CERS6: variants seen among roughly 807,000 people sequenced by gnomAD.
CERS6 encodes the protein LAG1 homolog, ceramide synthase 6.
CERS6 carries 26 observed loss-of-function variants against 56.8 expected under a neutral mutation model. The ratio of observed to expected loss-of-function variants is 0.46; its 90% CI spans 0.34 to 0.63. CERS6 has a LOEUF of 0.63. Ranked by LOEUF, CERS6 falls within the 30% of genes least tolerant of loss-of-function variation. The pLI is 0.01. For synonymous variants in CERS6, 164 were observed against 173.3 expected (o/e 0.95, Z 0.42); for missense variants, 415 against 467.5 (o/e 0.89, Z 1.04).
intron 6 of CERS6, among the ~76,000 whole-genome samples, chr2:168,713,280 G>A (rs977696572): frequency 1.3e-5 from 2 of 152,028 alleles, no homozygotes; most frequent in Non-Finnish European, 2.9e-5. Context: ...GTCAGTTTTC[G>A]GATATGCTTT....
intron 3 of CERS6, among the ~76,000 whole-genome samples, chr2:168,594,671 C>T (rs1683754549): frequency 6.6e-6 from 1 of 152,152 alleles, no homozygotes; most frequent in African/African-American, 2.4e-5. Flanking sequence ...CCTTTCCACC[C>T]CAGTGTAAGT....
At position 168,620,014 on chromosome 2, in the gene CERS6, T is replaced by TACACAC. The variant is rs1160024194; in HGVS notation, c.408-10927_408-10922dup. ...GCATTTGGGCTGGTTCCACAATCCA[T>TACACAC]ACACACACACACACACACACACACA... On this transcript the variant is annotated intron_variant, in intron 3 of 9. Coordinates refer to ENST00000305747, the MANE Select transcript of CERS6 (RefSeq NM_203463.3). 3.0e-3 allele frequency among the ~76,000 whole-genome samples: 184 copies of TACACAC among 61,236 alleles called. 1 individual carries two copies. Among genetic ancestry groups the TACACAC allele is most frequent in the East Asian group, 0.01 (13 of 1,264 alleles). The allele number at this position is 61,236 out of a possible 152,430, so 40.2% of individuals were successfully genotyped here.
intron 1 of CERS6, among the ~76,000 whole-genome samples, chr2:168,480,690 A>G (rs1694162090): frequency 1.3e-5 from 2 of 152,214 alleles, no homozygotes; most frequent in South Asian, 4.1e-4. Flanking sequence ...AAAAGAACAT[A>G]TGAGCTTGGA....
At position 168,560,637 on chromosome 2, in the gene CERS6, A is replaced by G. The variant is rs750666839; in HGVS notation, c.277-555A>G. ...AGGAATGTGTGAAAAATGGGGACAAAGGATATGAGAAGGGGAAGAAAGATA... is the reference window on the plus strand; with the variant it reads ...AGGAATGTGTGAAAAATGGGGACAAGGGATATGAGAAGGGGAAGAAAGATA... On this transcript the variant is annotated intron_variant, in intron 2 of 9. Transcript: ENST00000305747. Among the ~76,000 whole-genome samples the G allele has an allele frequency of 3.6e-4, 55 of 152,352 alleles. 1 individual carries two copies. Among genetic ancestry groups the G allele is most frequent in the South Asian group, 6.2e-4 (3 of 4,830 alleles).
chr2:168,537,013 T>C (rs1695276403), intron 1 of CERS6, among the ~76,000 whole-genome samples: 1 of 152,216 alleles, frequency 6.6e-6, no homozygotes, highest in Admixed American at 6.5e-5. Flanking sequence ...GCTTTGTCCA[T>C]AGTTCTCTTT....
chr2:168,710,052 G>A (rs531569021), intron 6 of CERS6, among the ~76,000 whole-genome samples: 19 of 152,066 alleles, frequency 1.2e-4, no homozygotes, highest in African/African-American at 1.7e-4. Flanking sequence ...CTTCTGCCAC[G>A]GGCATAACTG....
rs140803454 is a variant in CERS6, at chr2:168,752,698, G to C, written c.846-12894G>C. Among the ~76,000 whole-genome samples the C allele has an allele frequency of 4.8e-3, 726 of 152,334 alleles. 4 individuals are homozygous for C. The highest frequency in any genetic ancestry group is 7.9e-3 in the Non-Finnish European group (536 of 68,034). ...CATTACTATCCGACTTAAATGTCCT[G>C]CTGCTGAAAGCTGAGGTTCTGCACA... On this transcript the variant is annotated intron_variant, in intron 8 of 9. Coordinates refer to ENST00000305747, the MANE Select transcript of CERS6 (RefSeq NM_203463.3).
intron 8 of CERS6, among the ~76,000 whole-genome samples, chr2:168,721,018 C>G (rs1021218543): frequency 4.3e-4 from 65 of 152,254 alleles, no homozygotes; most frequent in African/African-American, 1.4e-3. Context: ...CTAAAAAGTT[C>G]CTATGAGAAC....
chr2:168,667,789 G>C (rs1685801935), intron 4 of CERS6, among the ~76,000 whole-genome samples: 2 of 152,192 alleles, frequency 1.3e-5, no homozygotes, highest in Non-Finnish European at 2.9e-5. Context: ...AAGATAATAG[G>C]CTAGACCTTC....
chr2:168,723,957 A>T (rs1683264132), intron 8 of CERS6, among the ~76,000 whole-genome samples: 1 of 152,188 alleles, frequency 6.6e-6, no homozygotes, highest in Non-Finnish European at 1.5e-5. Flanking sequence ...CAAATAATCA[A>T]ATATTTAGTG....
chr2:168,475,654 A>G (rs1334280748), intron 1 of CERS6, among the ~76,000 whole-genome samples: 1 of 152,210 alleles, frequency 6.6e-6, no homozygotes, highest in Non-Finnish European at 1.5e-5. Flanking sequence ...ATTGTATCCA[A>G]GGGTTTGAAT....
chr2:168,495,738 A>G (rs1459645001), intron 1 of CERS6, among the ~76,000 whole-genome samples: 1 of 152,170 alleles, frequency 6.6e-6, no homozygotes, highest in Non-Finnish European at 1.5e-5. Flanking sequence ...GCTCCTTTCT[A>G]GTTTCCAGTG....
In CERS6 at chr2:168,722,992, C is replaced by T. The variant is rs183007917; in HGVS notation, c.845+5014C>T. Reference sequence around the variant, plus strand: ...ACCCCAGAAAGTGCAATTTTTATATCCACTCTGTGCTGCTGTTGGCCCTGC... The same window carrying T: ...ACCCCAGAAAGTGCAATTTTTATATTCACTCTGTGCTGCTGTTGGCCCTGC... On this transcript the variant is annotated intron_variant, in intron 8 of 9. Coordinates refer to ENST00000305747, the MANE Select transcript of CERS6 (RefSeq NM_203463.3). Among the ~76,000 whole-genome samples, 49 of 152,272 alleles carry T rather than the reference C, an allele frequency of 3.2e-4. No homozygotes were observed. The East Asian group carries it at 9.3e-3, about 29-fold the overall frequency.
intron 8 of CERS6, among the ~76,000 whole-genome samples, chr2:168,742,153 C>T (rs372072236): frequency 6.6e-6 from 1 of 152,206 alleles, no homozygotes; most frequent in Non-Finnish European, 1.5e-5. Context: ...CTTTAAATGG[C>T]TTCTAAAGTC....
At chr2:168,695,169 C>A (rs1326099184) in intron 6 of CERS6, 118 bp downstream of exon 6, 4 of 696,976 alleles carry the variant, frequency 5.7e-6, no homozygotes, top group South Asian at 5.2e-5. Flanking sequence ...TAGGTTAGTA[C>A]GACTTGCTGC....
At chr2:168,685,584 A>T (rs1178579002) in intron 4 of CERS6, among the ~76,000 whole-genome samples, 1 of 152,172 alleles carries the variant, frequency 6.6e-6, no homozygotes, top group Non-Finnish European at 1.5e-5. Flanking sequence ...AAGATACTGG[A>T]TGAAAGAGCA....
intron 1 of CERS6, among the ~76,000 whole-genome samples, chr2:168,458,047 G>A (rs1253564076): frequency 6.6e-6 from 1 of 152,106 alleles, no homozygotes; most frequent in Non-Finnish European, 1.5e-5. Flanking sequence ...GAAAAAATGG[G>A]TGTGTTTGCA....
At chr2:168,623,013 A>G (rs1684509728) in intron 3 of CERS6, among the ~76,000 whole-genome samples, 1 of 152,218 alleles carries the variant, frequency 6.6e-6, no homozygotes. Flanking sequence ...TTTTGAAACT[A>G]CAGTCAATTT....
chr2:168,662,898 A>T (rs1337109948), intron 4 of CERS6, among the ~76,000 whole-genome samples: 1 of 152,202 alleles, frequency 6.6e-6, no homozygotes, highest in Non-Finnish European at 1.5e-5. Flanking sequence ...AAAATGATTC[A>T]TCTTTGCCAT....
Sources: gnomAD v4.1 joint callset for allele counts (sites outside exome capture counted in the v4.1 genomes callset) on GRCh38, gnomAD v4.1.1 for gene constraint, MANE v1.5 for transcripts, NCBI Gene and HGNC (gene_info 2026-07-23, HGNC 2026-07-21) for gene names.